Variants in INTS14 observed in about 807,000 individuals in gnomAD.
The protein encoded by INTS14 is integrator complex subunit 14, also known as UPF0464 protein C15orf44.
INTS14 carries 27 observed loss-of-function variants against 56.9 expected under a neutral mutation model. That is an observed-to-expected ratio of 0.47 (90% confidence interval 0.35 to 0.65). The LOEUF (loss-of-function observed/expected upper bound fraction) is 0.65, where lower values mean the gene tolerates loss of function less well. INTS14 is among the 30% of genes least tolerant of loss of function. The pLI is 0.00. For synonymous variants in INTS14, 207 were observed against 236.2 expected (o/e 0.88, Z 1.13); for missense variants, 517 against 632.2 (o/e 0.82, Z 1.95).
chr15:65,610,919 G>C, intron 1 of INTS14, 179 bp downstream of exon 1: 7 of 1,465,006 alleles, frequency 4.8e-6, no homozygotes, highest in Non-Finnish European at 6.3e-6. Flanking sequence ...GAGCCTCAGA[G>C]CGAGGGGAGG....
chr15:65,594,914 G>A (rs924817496), intron 7 of INTS14, among the ~76,000 whole-genome samples: 1 of 152,040 alleles, frequency 6.6e-6, no homozygotes, highest in Non-Finnish European at 1.5e-5. Flanking sequence ...ACATGTGATT[G>A]GTTATAGAAT....
At chr15:65,595,169 AT>A in intron 7 of INTS14, among the ~76,000 whole-genome samples, 1 of 152,336 alleles carries the variant, frequency 6.6e-6, no homozygotes, top group East Asian at 1.9e-4. Flanking sequence ...GAAAAAGATA[AT>A]TTTAAAGAGT....
In INTS14 at chr15:65,605,210, A is replaced by AT. The variant is rs1369392215; in HGVS notation, c.248dup (p.Tyr83Ter). 6 of 1,613,950 alleles carry AT rather than the reference A, an allele frequency of 3.7e-6. No individual in the cohort carries two copies. The highest frequency in any genetic ancestry group is 5.1e-6 in the Non-Finnish European group (6 of 1,179,908). ...ATGCAGACTCCAAGCAGGTTTTGTC[A>AT]TAATCATCCATATTACTTAGTGCTT... ...LQEALSNMDD[Y>*]DKTCLESALV... Residue 83 changes from tyrosine to a stop codon, truncating the protein, a stop_gained and frameshift_variant, in exon 3 of 12, where the codon TAT (tyrosine) becomes TAAT (stop). Transcript: ENST00000313182. LOFTEE classifies it high-confidence loss of function.
intron 10 of INTS14, among the ~76,000 whole-genome samples, chr15:65,582,660 T>G (rs948183600): frequency 1.3e-5 from 2 of 152,166 alleles, no homozygotes; most frequent in Non-Finnish European, 2.9e-5. Context: ...ATCTCTTAGT[T>G]AAGACAGCAC....
chr15:65,600,023 C>G, intron 3 of INTS14, 94 bp from the exon 4 acceptor site: 1 of 1,376,008 alleles, frequency 7.3e-7, no homozygotes, highest in Admixed American at 2.4e-5. Flanking sequence ...AAAGGGGCAC[C>G]AGGGCTGGCT....
rs1178053153 is a variant in INTS14 at position 65,598,344 on chromosome 15, G to A, written c.725C>T (p.Pro242Leu). 1.9e-6 allele frequency: 3 copies of A among 1,613,858 alleles called. No homozygotes were observed. Among genetic ancestry groups the A allele is most frequent in the Non-Finnish European group, 1.7e-6 (2 of 1,179,914 alleles). Reference protein sequence around the residue: ...EPFVVDEEIDPIPKVINTDLE... With the variant: ...EPFVVDEEIDLIPKVINTDLE... ...ACCTGTGTTAATGACTTTAGGGATA[G>A]GATCAATTTCTTCATCTACAACAAA... Residue 242 changes from proline (P) to leucine (L), a missense_variant, in exon 6 of 12, where the codon CCT becomes CTT. Coordinates refer to ENST00000313182, the MANE Select transcript of INTS14 (RefSeq NM_001394796.1).
At position 65,599,003 on chromosome 15, in the gene INTS14, A is replaced by T. The variant is rs1480083793; in HGVS notation, c.487-13T>A. ...CGGTGCTCTGGAGCTATAAAGCAAA[A>T]CAGATGACCCTTAAAGTGGCTGGCA... On this transcript the variant is annotated splice_polypyrimidine_tract_variant and intron_variant, in intron 4 of 11. Coordinates refer to ENST00000313182, the MANE Select transcript of INTS14 (RefSeq NM_001394796.1). The T allele has an allele frequency of 1.2e-6, 2 of 1,603,536 alleles. No homozygotes were observed. The highest frequency in any genetic ancestry group is 1.7e-6 in the Non-Finnish European group (2 of 1,171,906).
intron 11 of INTS14, among the ~76,000 whole-genome samples, chr15:65,580,983 G>C (rs2072584513): frequency 6.6e-6 from 1 of 152,182 alleles, no homozygotes; most frequent in African/African-American, 2.4e-5. Flanking sequence ...GTGGCCAGGT[G>C]GGGTGGCTCA....
intron 9 of INTS14, among the ~76,000 whole-genome samples, chr15:65,585,144 G>A (rs534703678): frequency 6.6e-6 from 1 of 151,880 alleles, no homozygotes; most frequent in Non-Finnish European, 1.5e-5. Context: ...TATAAATTAA[G>A]GTCAAAGGAT....
In INTS14 at chr15:65,607,319, C is replaced by T. The variant is rs774777375; in HGVS notation, c.62G>A (p.Gly21Glu). The T allele has an allele frequency of 1.9e-6, 3 of 1,614,012 alleles. No individual in the cohort carries two copies. In the East Asian group the frequency reaches 6.7e-5, roughly 36 times the overall value. The change falls in exon 2 of 12, where the codon GGG becomes GAG. Residue 21 changes from glycine to glutamate, a missense_variant. Physicochemically the swap from Gly to Glu is moderately conservative, Grantham distance 98. Coordinates refer to ENST00000313182, the MANE Select transcript of INTS14 (RefSeq NM_001394796.1). Reference sequence around the variant, plus strand: ...GTGCTTACGCTGGTATTCCTCGGACCCCTCAATAGACACAGGTCGGGTCAT... The same window carrying T: ...GTGCTTACGCTGGTATTCCTCGGACTCCTCAATAGACACAGGTCGGGTCAT... ...LSMTRPVSIEGSEEYQRKHLA... is the reference protein window; with the variant it reads ...LSMTRPVSIEESEEYQRKHLA...
chr15:65,587,933 G>A (rs1304109555), intron 9 of INTS14, among the ~76,000 whole-genome samples: 1 of 152,082 alleles, frequency 6.6e-6, no homozygotes, highest in Non-Finnish European at 1.5e-5. Context: ...CCAAGACTGT[G>A]CCACTGCACT....
chr15:65,608,093 A>T (rs1193174174), intron 1 of INTS14, among the ~76,000 whole-genome samples: 1 of 152,194 alleles, frequency 6.6e-6, no homozygotes, highest in African/African-American at 2.4e-5. Flanking sequence ...AGAATATGTA[A>T]GGTCGGGCAC....
At chr15:65,608,400 T>G (rs959882049) in intron 1 of INTS14, among the ~76,000 whole-genome samples, 1 of 149,624 alleles carries the variant, frequency 6.7e-6, no homozygotes. Context: ...TTTATACAGC[T>G]GGAATTATCT....
chr15:65,582,731 G>A (rs2072671776), intron 10 of INTS14, among the ~76,000 whole-genome samples: 1 of 152,228 alleles, frequency 6.6e-6, no homozygotes, highest in East Asian at 1.9e-4. Context: ...AAAACTTTGT[G>A]TATCAAAGGA....
At chr15:65,591,774 G>A (rs755236758) in intron 8 of INTS14, 43 bp from the exon 9 acceptor site, 1 of 1,602,792 alleles carries the variant, frequency 6.2e-7, no homozygotes, top group East Asian at 2.2e-5. Context: ...CATCAAGCCT[G>A]AGACTGTCAA....
In INTS14 at chr15:65,598,370, A is replaced by G. The variant is rs751470132; in HGVS notation, c.699T>C (p.Pro233=). The change falls in exon 6 of 12, where the codon CCT becomes CCC. Residue 233 remains proline (P), a synonymous_variant. Coordinates refer to ENST00000313182, the MANE Select transcript of INTS14 (RefSeq NM_001394796.1). ...ADVQVFPRPE[P]FVVDEEIDPI... is the part of the protein sequence containing the mutation. ...GATCAATTTCTTCATCTACAACAAA[A>G]GGTTCTGGCCTGGGGAAGACTTGTA... 35 of 1,614,112 alleles carry G rather than the reference A, an allele frequency of 2.2e-5. No homozygotes were observed. Among genetic ancestry groups the G allele is most frequent in the Non-Finnish European group, 2.9e-5 (34 of 1,179,980 alleles).
Position 65,602,666 on chromosome 15 carries a change from TG to T in INTS14, c.330+2462del, listed in dbSNP as rs1357600428. Among the ~76,000 whole-genome samples, 26 of 150,350 alleles carry T rather than the reference TG, an allele frequency of 1.7e-4. No homozygotes were observed. The South Asian group carries it at 5.0e-3, about 29-fold the overall frequency. ...CCAGTAAACACCACCTCTACTACAA[TG>T]TTTTTTTTTTTTTTGAGACGGAGTT... On this transcript the variant is annotated intron_variant, in intron 3 of 11. Coordinates refer to ENST00000313182, the MANE Select transcript of INTS14 (RefSeq NM_001394796.1).
chr15:65,599,955 G>T, intron 3 of INTS14, 26 bp from the exon 4 acceptor site: 2 of 1,600,842 alleles, frequency 1.2e-6, no homozygotes, highest in Non-Finnish European at 1.7e-6. Flanking sequence ...GAGAGAGGAG[G>T]TTGTACATTA....
chr15:65,584,874 G>A lies in INTS14; in HGVS notation c.1135C>T (p.Pro379Ser). ...LGPISDAKEN[P>S]YGEDDNKSPF... ...CTCTTATTGTCATCCTCGCCATAAG[G>A]GTTTTCTTTAGCATCTTAAAAGAAA... Residue 379 changes from proline to serine, a missense_variant, in exon 10 of 12, where the codon CCT becomes TCT. Pro to Ser is a moderately conservative substitution (Grantham distance 74, BLOSUM62 -1). Coordinates refer to ENST00000313182, the MANE Select transcript of INTS14 (RefSeq NM_001394796.1). The A allele has an allele frequency of 6.2e-7, 1 of 1,610,016 alleles. No individual in the cohort carries two copies. Among genetic ancestry groups the A allele is most frequent in the South Asian group, 1.1e-5 (1 of 90,254 alleles).
Sources: allele counts gnomAD v4.1 joint callset (sites outside exome capture counted in the v4.1 genomes callset), GRCh38; gene constraint gnomAD v4.1.1; transcripts MANE v1.5; gene names NCBI Gene and HGNC (gene_info 2026-07-23, HGNC 2026-07-21).